Variants in PFKFB2 observed in about 807,000 individuals in gnomAD.
The protein encoded by PFKFB2 is 6-phosphofructo-2-kinase/fructose-2,6-bisphosphatase 2.
PFKFB2 carries 53 observed loss-of-function variants against 68.0 expected under a neutral mutation model. That is an observed-to-expected ratio of 0.78 (90% CI 0.63 to 0.98). The LOEUF (loss-of-function observed/expected upper bound fraction) is 0.98, where lower values mean the gene tolerates loss of function less well. PFKFB2 is among the 50% of genes least tolerant of loss of function. The pLI is 0.00. For missense variants in PFKFB2, 451 were observed against 642.0 expected (o/e 0.70, Z 3.22); for synonymous variants, 222 against 227.6 (o/e 0.98, Z 0.22).
upstream of PFKFB2, chr1:207,048,442 G>A (rs947817532): frequency 3.2e-5 from 5 of 153,930 alleles, no homozygotes; most frequent in African/African-American, 1.2e-4. Context: ...ACAATTCTGA[G>A]TATCTTCATT....
intron 2 of PFKFB2, among the ~76,000 whole-genome samples, chr1:207,061,151 ATTTATATATATCTT>A (rs1374325806): frequency 1.4e-4 from 12 of 84,146 alleles, no homozygotes; most frequent in East Asian, 7.8e-4. Context: ...CTTTATATAT[ATTTATATATATCTT>A]TATATATATA....
At chr1:207,050,406 G>A (rs2102328186), upstream of PFKFB2, among the ~76,000 whole-genome samples, 1 of 152,276 alleles carries the variant, frequency 6.6e-6, no homozygotes, top group Non-Finnish European at 1.5e-5. Context: ...GGACGCCGAG[G>A]GAAAACAAAA....
In PFKFB2 at chr1:207,077,784, T is replaced by C. The variant is rs1683670814; in HGVS notation, c.*5413T>C. 1 of 985,706 alleles carries C rather than the reference T, an allele frequency of 1.0e-6. No individual in the cohort carries two copies. The allele number at this position is 985,706 out of a possible 1,614,324, so 61.1% of individuals were successfully genotyped here. A position where few individuals can be genotyped will look rare whatever the true frequency, so the allele number is the denominator to read the frequency against. On this transcript the variant is annotated 3_prime_UTR_variant, in exon 15 of 15. Coordinates refer to ENST00000367080, the MANE Select transcript of PFKFB2 (RefSeq NM_006212.2). ...TGTTTTTGTGTGCGTGTGTGTAGAA[T>C]GGGTAAATAAAATTGTTGAGTAACT...
Position 207,069,484 on chromosome 1 carries a change from C to T in PFKFB2, c.1048C>T (p.Leu350Phe). ...GAAACGGTACCCAGAAGAGTTTGCA[C>T]TTCGAGATCAAGAGAAGTATCTGTA... is the stretch of plus-strand genomic sequence containing the variant. The part of the protein sequence containing the change: ...IEKRYPEEFA[L>F]RDQEKYLYRY... Residue 350 changes from leucine (L) to phenylalanine (F), a missense_variant, in exon 11 of 15, where the codon CTT becomes TTT. Physicochemically the swap from Leu to Phe is conservative, Grantham distance 22 (BLOSUM62 0). Transcript: ENST00000367080. 6.2e-7 allele frequency: 1 copy of T among 1,613,902 alleles called. No individual in the cohort carries two copies. Among genetic ancestry groups the T allele is most frequent in the Admixed American group, 1.7e-5 (1 of 60,020 alleles).
At chr1:207,050,234 G>A (rs1416936761), upstream of PFKFB2, among the ~76,000 whole-genome samples, 1 of 152,104 alleles carries the variant, frequency 6.6e-6, no homozygotes, top group Non-Finnish European at 1.5e-5. Flanking sequence ...TGTTTTAAAA[G>A]CTAACTCGAA....
At chr1:207,035,563 G>A (rs1682359412) in intron 1 of PFKFB2, among the ~76,000 whole-genome samples, 1 of 152,112 alleles carries the variant, frequency 6.6e-6, no homozygotes, top group Admixed American at 6.5e-5. Context: ...TGAGGCGAAA[G>A]GATGGCTTGA....
At chr1:207,061,049 TATTTTATATATATC>T (rs1683077265) in intron 2 of PFKFB2, 1 of 136,872 alleles carries the variant, frequency 7.3e-6, no homozygotes, top group Non-Finnish European at 1.6e-5. Context: ...TAAATATATA[TATTTTATATATATC>T]TTTATATATA....
downstream of PFKFB2, chr1:207,080,977 T>C (rs1156686063): frequency 6.6e-6 from 1 of 152,200 alleles, no homozygotes; most frequent in Non-Finnish European, 1.5e-5. Flanking sequence ...GCGAGTAATA[T>C]GTATTGCTTT....
At chr1:207,036,930 A>C (rs2102312707) in intron 1 of PFKFB2, among the ~76,000 whole-genome samples, 1 of 152,312 alleles carries the variant, frequency 6.6e-6, no homozygotes, top group African/African-American at 2.4e-5. Context: ...CAGCTCACTA[A>C]CTTCCGAAAT....
chr1:207,075,956 T>G lies in PFKFB2; in HGVS notation c.*3585T>G, dbSNP rs1000122185. ...TTTTGGTAAAGGGATGATTTTTACA[T>G]TGAGTTTTAAAGTAGAATAAGAAAA... On this transcript the variant is annotated 3_prime_UTR_variant, in exon 15 of 15. Transcript: ENST00000367080. The G allele has an allele frequency of 4.1e-6, 4 of 985,244 alleles. No homozygotes were observed. Among genetic ancestry groups the G allele is most frequent in the African/African-American group, 3.5e-5 (2 of 57,256 alleles). The allele number at this position is 985,244 out of a possible 1,614,324, so 61.0% of individuals were successfully genotyped here.
chr1:207,042,979 G>A (rs1682509041), intron 2 of PFKFB2, among the ~76,000 whole-genome samples: 1 of 151,722 alleles, frequency 6.6e-6, no homozygotes. Context: ...TTGATTAATG[G>A]TTCATTTAAA....
At position 207,077,678 on chromosome 1, in the gene PFKFB2, A is replaced by C. The variant is rs1262298636; in HGVS notation, c.*5307A>C. On this transcript the variant is annotated 3_prime_UTR_variant, in exon 15 of 15. Coordinates refer to ENST00000367080, the MANE Select transcript of PFKFB2 (RefSeq NM_006212.2). ...AATAGGAACATAAGTCTTTAGCAAC[A>C]TTCTGATTTAATCGGGTGACACTGA... 9 of 985,716 alleles carry C rather than the reference A, an allele frequency of 9.1e-6. No individual in the cohort carries two copies. The South Asian group carries it at 3.3e-4, about 36-fold the overall frequency. The allele number at this position is 985,716 out of a possible 1,614,324, so 61.1% of individuals were successfully genotyped here. A position where few individuals can be genotyped will look rare whatever the true frequency, so the allele number is the denominator to read the frequency against.
upstream of PFKFB2, chr1:207,048,716 G>A (rs1682657841): frequency 3.3e-6 from 1 of 299,762 alleles, no homozygotes; most frequent in South Asian, 5.2e-5. Context: ...AAGCTGCTGG[G>A]TGCTAGTTTA....
At chr1:207,047,772 G>C (rs1022720809) in intron 2 of PFKFB2, 1 of 152,518 alleles carries the variant, frequency 6.6e-6, no homozygotes, top group African/African-American at 2.4e-5. Context: ...ATAAGGCAAG[G>C]ATTTACAATT....
intron 1 of PFKFB2, among the ~76,000 whole-genome samples, chr1:207,041,464 T>C (rs1682479587): frequency 6.6e-6 from 1 of 152,130 alleles, no homozygotes; most frequent in South Asian, 2.1e-4. Context: ...AACTCCCACT[T>C]ATGAGTGAGA....
At position 207,072,240 on chromosome 1, in the gene PFKFB2, A is replaced by G; in HGVS notation, c.1387A>G (p.Arg463Gly). ...CAAGAACCAAACCCCTGTAAGGATG[A>G]GAAGGAACAGCTTTACGCCTCTGTC... ...FPKNQTPVRM[R>G]RNSFTPLSSS... Residue 463 changes from arginine to glycine, a missense_variant, in exon 15 of 15, where the codon AGA becomes GGA. Coordinates refer to ENST00000367080, the MANE Select transcript of PFKFB2 (RefSeq NM_006212.2). The G allele has an allele frequency of 6.2e-7, 1 of 1,614,216 alleles. No homozygotes were observed. Among genetic ancestry groups the G allele is most frequent in the Non-Finnish European group, 8.5e-7 (1 of 1,180,026 alleles).
chr1:207,038,677 T>A (rs1682423741), intron 1 of PFKFB2, among the ~76,000 whole-genome samples: 1 of 152,170 alleles, frequency 6.6e-6, no homozygotes, highest in African/African-American at 2.4e-5. Flanking sequence ...TTTCATAGCA[T>A]CTGTATTTAT....
At chr1:207,052,750 A>G (rs1445526743), upstream of PFKFB2, 1 of 157,642 alleles carries the variant, frequency 6.3e-6, no homozygotes, top group Non-Finnish European at 1.4e-5. Flanking sequence ...AGAGTGGTTG[A>G]TTTTCTTAGG....
rs771560698 is a variant in PFKFB2, at chr1:207,070,386, C to A, written c.1199C>A (p.Ala400Asp). ...SHQAVMRCLL[A>D]YFLDKGADEL... Reference sequence around the variant, plus strand: ...CAGGCTGTCATGCGCTGCCTCCTGGCCTACTTCTTGGATAAGGGCGCAGGT... The same window carrying A: ...CAGGCTGTCATGCGCTGCCTCCTGGACTACTTCTTGGATAAGGGCGCAGGT... Residue 400 changes from alanine to aspartate, a missense_variant, in exon 12 of 15, where the codon GCC becomes GAC. Physicochemically the swap from Ala to Asp is moderately radical, Grantham distance 126. Transcript: ENST00000367080. This position sits in a 1 kb window ranked among gnomAD's most constrained non-coding sequence, Gnocchi z 4.2. 1 of 1,613,932 alleles carries A rather than the reference C, an allele frequency of 6.2e-7. No individual in the cohort carries two copies. The highest frequency in any genetic ancestry group is 8.5e-7 in the Non-Finnish European group (1 of 1,179,972).
Sources: gnomAD v4.1 joint callset for allele counts (sites outside exome capture counted in the v4.1 genomes callset) on GRCh38, gnomAD v4.1.1 for gene constraint, Gnocchi (gnomAD v3.1) non-coding constraint, MANE v1.5 for transcripts, NCBI Gene and HGNC (gene_info 2026-07-23, HGNC 2026-07-21) for gene names.